PRKN: variants seen among roughly 807,000 people sequenced by gnomAD.
PRKN encodes parkin RBR E3 ubiquitin protein ligase.
Under a neutral mutation model 59.5 loss-of-function variants are expected in PRKN, and 56 were observed. The observed-to-expected ratio is 0.94, with a 90% CI of 0.76 to 1.18. The LOEUF (loss-of-function observed/expected upper bound fraction) is 1.18, where lower values mean the gene tolerates loss of function less well. Among genes scored for constraint, PRKN ranks in the 50% most tolerant of loss-of-function variants. The probability of loss-of-function intolerance (pLI) is 0.00; values close to 1 mark genes in which losing one functional copy is unlikely to be tolerated. For missense variants in PRKN, 657 were observed against 596.4 expected (o/e 1.10, Z -1.06); for synonymous variants, 250 against 222.1 (o/e 1.13, Z -1.12).
chr6:162,595,352 T>G (rs1781461687), intron 1 of PRKN, among the ~76,000 whole-genome samples: 1 of 151,130 alleles, frequency 6.6e-6, no homozygotes, highest in Non-Finnish European at 1.5e-5. Flanking sequence ...GCCTCCCGGG[T>G]TCAAGCAATC....
At chr6:162,557,042 T>C (rs1779636113) in intron 1 of PRKN, among the ~76,000 whole-genome samples, 2 of 152,218 alleles carry the variant, frequency 1.3e-5, no homozygotes, top group Admixed American at 1.3e-4. Flanking sequence ...GCACCACCTC[T>C]ACCTTATGAC....
chr6:161,705,357 G>A (rs1346863527), intron 7 of PRKN, among the ~76,000 whole-genome samples: 5 of 152,182 alleles, frequency 3.3e-5, no homozygotes, highest in African/African-American at 9.7e-5. Flanking sequence ...TTATAATAAC[G>A]TGTTGATTAT....
chr6:161,419,544 C>T lies in PRKN; in HGVS notation c.1084-32667G>A, dbSNP rs763118973. 3.9e-5 allele frequency among the ~76,000 whole-genome samples: 6 copies of T among 151,960 alleles called. No homozygotes were observed. The highest frequency in any genetic ancestry group is 6.6e-5 in the Admixed American group (1 of 15,264). On this transcript the variant is annotated intron_variant, in intron 9 of 11. Coordinates refer to ENST00000366898, the MANE Select transcript of PRKN (RefSeq NM_004562.3). The surrounding 1 kb of genome is among the most constrained non-coding windows in gnomAD (Gnocchi z 4.1). ...CTGGGATTACAGGTACACGCCACTG[C>T]GCCTGGCTAATTTTTGTATTTTTTT...
At chr6:162,178,727 C>T (rs983340891) in intron 4 of PRKN, among the ~76,000 whole-genome samples, 15 of 152,144 alleles carry the variant, frequency 9.9e-5, no homozygotes, top group African/African-American at 3.6e-4. Flanking sequence ...TCAGTCTTCT[C>T]AGTTTTGTGT....
chr6:162,100,343 G>A (rs1426760750), intron 4 of PRKN, among the ~76,000 whole-genome samples: 4 of 151,858 alleles, frequency 2.6e-5, no homozygotes, highest in South Asian at 2.1e-4. Flanking sequence ...CTTTTGAGCT[G>A]TTTTCCATAA....
rs180872301 is a variant in PRKN at position 161,414,171 on chromosome 6, C to T, written c.1084-27294G>A. ...ACAAACTCTCAACAAGGTGGAAACTCGACACTATGCTCTCAATCTCCATGC... is the reference window on the plus strand; with the variant it reads ...ACAAACTCTCAACAAGGTGGAAACTTGACACTATGCTCTCAATCTCCATGC... On this transcript the variant is annotated intron_variant, in intron 9 of 11. Coordinates refer to ENST00000366898, the MANE Select transcript of PRKN (RefSeq NM_004562.3). This position sits in a 1 kb window ranked among gnomAD's most constrained non-coding sequence, Gnocchi z 5.3. Among the ~76,000 whole-genome samples the T allele has an allele frequency of 1.9e-3, 289 of 152,260 alleles. No individual in the cohort carries two copies. The highest frequency in any genetic ancestry group is 6.4e-3 in the African/African-American group (265 of 41,526).
At chr6:162,504,444 C>T (rs990000605) in intron 1 of PRKN, among the ~76,000 whole-genome samples, 55 of 152,076 alleles carry the variant, frequency 3.6e-4, no homozygotes, top group African/African-American at 1.3e-3. Context: ...AAAGTAGTAA[C>T]TAAAACAGTG....
At chr6:162,216,296 C>T (rs1025707839) in intron 3 of PRKN, among the ~76,000 whole-genome samples, 2 of 150,858 alleles carry the variant, frequency 1.3e-5, no homozygotes, top group South Asian at 2.1e-4. Flanking sequence ...TTTGGGAGGC[C>T]GAGGCGGGTG....
chr6:161,769,639 T>TA (rs1216289560), intron 7 of PRKN, among the ~76,000 whole-genome samples: 4 of 152,170 alleles, frequency 2.6e-5, no homozygotes, highest in African/African-American at 9.6e-5. Flanking sequence ...AGGCCTAGCT[T>TA]AAGGATCTTA....
intron 7 of PRKN, among the ~76,000 whole-genome samples, chr6:161,723,325 T>C (rs936471003): frequency 6.6e-6 from 1 of 152,114 alleles, no homozygotes; most frequent in Non-Finnish European, 1.5e-5. Context: ...CAGATCACTG[T>C]TTATTACAAA....
intron 2 of PRKN, among the ~76,000 whole-genome samples, chr6:162,292,295 T>G (rs1020742846): frequency 1.3e-5 from 2 of 152,130 alleles, no homozygotes; most frequent in Admixed American, 6.6e-5. Flanking sequence ...TTGGCACTGA[T>G]CCGTCTTTCA....
intron 1 of PRKN, among the ~76,000 whole-genome samples, chr6:162,458,099 C>G (rs2128173149): frequency 6.6e-6 from 1 of 150,812 alleles, no homozygotes; most frequent in Non-Finnish European, 1.5e-5. Flanking sequence ...ACTAAAATTA[C>G]AAAAATTAGC....
Position 161,732,689 on chromosome 6 carries a change from C to G in PRKN, c.871+53083G>C, listed in dbSNP as rs567718079. Among the ~76,000 whole-genome samples the G allele has an allele frequency of 3.9e-5, 6 of 152,222 alleles. No homozygotes were observed. In the South Asian group the frequency reaches 1.2e-3, roughly 32 times the overall value. ...GTGTTAGTTTGCTTAGGATAATGGC[C>G]GTCACCTCCATCCATGCTGCTGCAA... On this transcript the variant is annotated intron_variant, in intron 7 of 11. Transcript: ENST00000366898.
intron 1 of PRKN, chr6:162,694,882 T>A (rs1777913457): frequency 1.3e-5 from 2 of 152,248 alleles, no homozygotes. Context: ...CTGTGTCGGA[T>A]CTACATTCGT....
intron 2 of PRKN, among the ~76,000 whole-genome samples, chr6:162,299,668 T>C (rs1198530609): frequency 1.3e-5 from 2 of 151,494 alleles, no homozygotes; most frequent in South Asian, 2.1e-4. Context: ...TAAATAAATA[T>C]ATACATATAT....
chr6:162,630,822 T>C (rs74786419), intron 1 of PRKN, among the ~76,000 whole-genome samples: 1,744 of 152,248 alleles, frequency 0.011, 39 homozygotes, highest in African/African-American at 0.04. Flanking sequence ...CCCAAGTTGA[T>C]GATGAGCATT....
At chr6:162,642,469 T>C (rs1220887517) in intron 1 of PRKN, among the ~76,000 whole-genome samples, 3 of 152,188 alleles carry the variant, frequency 2.0e-5, no homozygotes, top group African/African-American at 7.2e-5. Context: ...CTTGAAATTA[T>C]GTTTAAGCTA....
intron 1 of PRKN, among the ~76,000 whole-genome samples, chr6:162,479,000 A>C (rs1186431179): frequency 6.6e-6 from 1 of 152,160 alleles, no homozygotes; most frequent in Non-Finnish European, 1.5e-5. Flanking sequence ...AACACTGCAC[A>C]CTCAGGCTAC....
chr6:162,151,788 A>G (rs1347843927), intron 4 of PRKN, among the ~76,000 whole-genome samples: 2 of 152,228 alleles, frequency 1.3e-5, no homozygotes, highest in African/African-American at 4.8e-5. Context: ...TCTTCGGAGG[A>G]CATAAGGTAA....
Sources: gnomAD v4.1 joint callset for allele counts (sites outside exome capture counted in the v4.1 genomes callset) on GRCh38, gnomAD v4.1.1 for gene constraint, Gnocchi (gnomAD v3.1) non-coding constraint, MANE v1.5 for transcripts, NCBI Gene and HGNC (gene_info 2026-07-23, HGNC 2026-07-21) for gene names.